LTBP2: variants seen among roughly 807,000 people sequenced by gnomAD.
LTBP2 encodes the protein latent transforming growth factor beta binding protein 2.
In LTBP2, 103 loss-of-function variants were observed where a neutral mutation model predicts 210.6. That is an observed-to-expected ratio of 0.49 (90% CI 0.42 to 0.58). The LOEUF is 0.58. Ranked by LOEUF, LTBP2 falls within the 20% of genes least tolerant of loss-of-function variation. The pLI, the probability that LTBP2 is intolerant of heterozygous loss-of-function variation, is 0.00. For missense variants in LTBP2, 2,313 were observed against 2,494.5 expected (o/e 0.93, Z 1.55); for synonymous variants, 1,007 against 1,015.0 (o/e 0.99, Z 0.15).
At chr14:74,600,020 C>T (rs1278304677) in intron 2 of LTBP2, among the ~76,000 whole-genome samples, 1 of 152,184 alleles carries the variant, frequency 6.6e-6, no homozygotes, top group Non-Finnish European at 1.5e-5. Context: ...TCTGCCCCAG[C>T]CAGGAGGGCA....
chr14:74,533,305 CA>C (rs2087375557), intron 9 of LTBP2, among the ~76,000 whole-genome samples: 1 of 152,252 alleles, frequency 6.6e-6, no homozygotes, highest in Non-Finnish European at 1.5e-5. Flanking sequence ...ATAGCCAGGT[CA>C]CCCACTGGTT....
At chr14:74,578,718 C>G (rs1023993502) in intron 3 of LTBP2, among the ~76,000 whole-genome samples, 1 of 152,204 alleles carries the variant, frequency 6.6e-6, no homozygotes, top group African/African-American at 2.4e-5. Flanking sequence ...CTGCAGGGAG[C>G]CTTGTCCTGT....
At chr14:74,506,914 T>A in intron 26 of LTBP2, 91 bp from the exon 27 acceptor site, 1 of 1,581,252 alleles carries the variant, frequency 6.3e-7, no homozygotes, top group Non-Finnish European at 8.6e-7. Flanking sequence ...CTCACACGCA[T>A]GCACACTCTC....
chr14:74,505,134 C>G lies in LTBP2; in HGVS notation c.4218G>C (p.Pro1406=), dbSNP rs769021521. 1.2e-6 allele frequency: 2 copies of G among 1,613,668 alleles called. No individual in the cohort carries two copies. Among genetic ancestry groups the G allele is most frequent in the Non-Finnish European group, 1.7e-6 (2 of 1,180,028 alleles). ...MSEAPTGDHA[P]APTRMDCYSG... is the part of the protein sequence containing the mutation. The stretch of plus-strand genomic sequence containing the variant: ...AGTAGCAGTCCATGCGGGTGGGGGC[C>G]GGGGCATGGTCCCCCGTTGGGGCCT... Residue 1406 remains proline (P), a synonymous_variant, in exon 29 of 36, where the codon CCG becomes CCC. Transcript: ENST00000261978.
intron 8 of LTBP2, among the ~76,000 whole-genome samples, chr14:74,544,133 C>T (rs2087549363): frequency 6.6e-6 from 1 of 152,246 alleles, no homozygotes; most frequent in African/African-American, 2.4e-5. Flanking sequence ...GCCAAAGAGA[C>T]ACTGCCTTTT....
chr14:74,566,486 T>C (rs1376028749), intron 3 of LTBP2, among the ~76,000 whole-genome samples: 1 of 152,222 alleles, frequency 6.6e-6, no homozygotes, highest in Non-Finnish European at 1.5e-5. Context: ...CCTGATGGCT[T>C]GGTCTCCCCT....
At position 74,540,751 on chromosome 14, in the gene LTBP2, C is replaced by T. The variant is rs1469956716; in HGVS notation, c.1790-4751G>A. Among the ~76,000 whole-genome samples the T allele has an allele frequency of 1.9e-4, 24 of 129,336 alleles. No individual in the cohort carries two copies. In the East Asian group the frequency reaches 3.2e-3, roughly 17 times the overall value. The allele number at this position is 129,336 out of a possible 152,430, so 84.8% of individuals were successfully genotyped here. On this transcript the variant is annotated intron_variant, in intron 8 of 35. Coordinates refer to ENST00000261978, the MANE Select transcript of LTBP2 (RefSeq NM_000428.3). Reference sequence around the variant, plus strand: ...CTGCACTCCAGCCTGGGCAACAGAGCGAGACTCCATCTTAAAAAATATATA... The same window carrying T: ...CTGCACTCCAGCCTGGGCAACAGAGTGAGACTCCATCTTAAAAAATATATA...
intron 3 of LTBP2, among the ~76,000 whole-genome samples, chr14:74,582,237 T>A (rs932297072): frequency 6.6e-6 from 1 of 151,792 alleles, no homozygotes; most frequent in South Asian, 2.1e-4. Flanking sequence ...TAACCTCCTC[T>A]TCCCTAGGGC....
chr14:74,594,074 T>A (rs903705613), intron 2 of LTBP2, among the ~76,000 whole-genome samples: 9 of 152,158 alleles, frequency 5.9e-5, no homozygotes, highest in African/African-American at 2.2e-4. Flanking sequence ...CCCAGTCACT[T>A]GCCCCAGGAC....
chr14:74,507,648 C>T (rs2087008060), intron 25 of LTBP2, among the ~76,000 whole-genome samples: 1 of 152,234 alleles, frequency 6.6e-6, no homozygotes, highest in African/African-American at 2.4e-5. Context: ...AGAGAGTTGT[C>T]TTCATATCTG....
intron 13 of LTBP2, among the ~76,000 whole-genome samples, chr14:74,526,391 A>G (rs1300812869): frequency 6.6e-6 from 1 of 152,232 alleles, no homozygotes; most frequent in African/African-American, 2.4e-5. Context: ...TGTTGGGTCC[A>G]TGGTAGAAAA....
Position 74,611,808 on chromosome 14 carries a change from G to T in LTBP2, c.137C>A (p.Ala46Asp). Reference sequence around the variant, plus strand: ...CCGCAGTCGATTCGCGTCTCCACCAGCCGGCTCGTATCTCCCTACGGGGTC... The same window carrying T: ...CCGCAGTCGATTCGCGTCTCCACCATCCGGCTCGTATCTCCCTACGGGGTC... ...QRDPVGRYEPAGGDANRLRRP... is the reference protein window; with the variant it reads ...QRDPVGRYEPDGGDANRLRRP... The change falls in exon 1 of 36, where the codon GCT (alanine) becomes GAT (aspartate). Residue 46 changes from alanine to aspartate, a missense_variant. Physicochemically the swap from Ala to Asp is moderately radical, Grantham distance 126. Around this residue, in one of 3 missense-constraint regions of LTBP2, gnomAD observed 1,867 missense variants for 1,976.9 expected, o/e 0.94. Transcript: ENST00000261978. 1.2e-6 allele frequency: 2 copies of T among 1,611,610 alleles called. No individual in the cohort carries two copies. The highest frequency in any genetic ancestry group is 8.5e-7 in the Non-Finnish European group (1 of 1,179,646).
intron 15 of LTBP2, among the ~76,000 whole-genome samples, chr14:74,523,831 G>T (rs1009444333): frequency 6.6e-6 from 1 of 152,022 alleles, no homozygotes; most frequent in Non-Finnish European, 1.5e-5. Flanking sequence ...GGGAGAAGCC[G>T]AAGACCCAAG....
chr14:74,597,698 T>C (rs1319883441), intron 2 of LTBP2, among the ~76,000 whole-genome samples: 1 of 152,166 alleles, frequency 6.6e-6, no homozygotes, highest in Non-Finnish European at 1.5e-5. Flanking sequence ...GGGTAAGAAA[T>C]GGACAGGGTC....
chr14:74,526,139 C>G (rs1447594677), intron 13 of LTBP2, 25 bp from the exon 14 acceptor site: 1 of 1,586,166 alleles, frequency 6.3e-7, no homozygotes. Flanking sequence ...GAGAAGGTCA[C>G]TTTTGGCTCC....
intron 2 of LTBP2, among the ~76,000 whole-genome samples, chr14:74,595,652 A>G (rs1354923250): frequency 6.6e-6 from 1 of 152,026 alleles, no homozygotes; most frequent in Non-Finnish European, 1.5e-5. Flanking sequence ...CACCCCAAAC[A>G]CTGACAAATC....
intron 16 of LTBP2, among the ~76,000 whole-genome samples, chr14:74,522,396 C>A (rs1464185011): frequency 6.6e-6 from 1 of 152,176 alleles, no homozygotes; most frequent in Non-Finnish European, 1.5e-5. Context: ...GATGATTTAT[C>A]TTAGCCTCAG....
chr14:74,548,040 C>A (rs990032499), intron 8 of LTBP2, among the ~76,000 whole-genome samples: 3 of 151,880 alleles, frequency 2.0e-5, no homozygotes, highest in Admixed American at 2.0e-4. Flanking sequence ...ACTGTCCTAC[C>A]CCTAATTATT....
intron 2 of LTBP2, among the ~76,000 whole-genome samples, chr14:74,602,097 G>A (rs562252178): frequency 2.7e-4 from 41 of 152,318 alleles, no homozygotes; most frequent in African/African-American, 9.9e-4. Context: ...CCACACTCTG[G>A]AATATCCAGG....
Sources: allele counts gnomAD v4.1 joint callset (sites outside exome capture counted in the v4.1 genomes callset), GRCh38; gene constraint gnomAD v4.1.1; regional missense constraint gnomAD v4.1.1; transcripts MANE v1.5; gene names NCBI Gene and HGNC (gene_info 2026-07-23, HGNC 2026-07-21).